Variants in AAMDC observed in about 807,000 individuals in gnomAD.
The protein encoded by AAMDC is mth938 domain-containing protein.
Under a neutral mutation model 15.5 loss-of-function variants are expected in AAMDC, and 16 were observed. The observed-to-expected ratio is 1.03, with a 90% CI of 0.70 to 1.57. AAMDC has a LOEUF of 1.57. Among genes scored for constraint, AAMDC ranks in the 40% most tolerant of loss-of-function variants. The probability of loss-of-function intolerance (pLI) is 0.00; values close to 1 mark genes in which losing one functional copy is unlikely to be tolerated. For missense variants in AAMDC, 141 were observed against 144.9 expected (o/e 0.97, Z 0.14); for synonymous variants, 51 against 51.6 (o/e 0.99, Z 0.05).
At chr11:77,891,106 G>T (rs1367744786) in intron 5 of AAMDC, among the ~76,000 whole-genome samples, 1 of 152,138 alleles carries the variant, frequency 6.6e-6, no homozygotes, top group Non-Finnish European at 1.5e-5. Flanking sequence ...CTATTTGTCA[G>T]TTGTAGAATC....
downstream of AAMDC, among the ~76,000 whole-genome samples, chr11:77,876,015 G>C (rs1002410677): frequency 6.6e-6 from 1 of 152,188 alleles, no homozygotes; most frequent in Non-Finnish European, 1.5e-5. Flanking sequence ...GAAAGGGACT[G>C]AGCAGGGGAA....
intron 1 of AAMDC, among the ~76,000 whole-genome samples, chr11:77,834,001 G>T (rs1949567194): frequency 6.6e-6 from 1 of 152,164 alleles, no homozygotes; most frequent in Admixed American, 6.6e-5. Context: ...TGTAGATGAA[G>T]AAAACTGCTT....
chr11:77,829,915 T>A (rs1171588209), intron 1 of AAMDC: 1 of 152,194 alleles, frequency 6.6e-6, no homozygotes, highest in East Asian at 1.9e-4. Context: ...GAGGATCACT[T>A]GAGGCCAGGA....
downstream of AAMDC, among the ~76,000 whole-genome samples, chr11:77,872,614 A>T (rs954184397): frequency 1.3e-5 from 2 of 152,124 alleles, no homozygotes; most frequent in African/African-American, 4.8e-5. Flanking sequence ...CTACTAACCA[A>T]CCCTGAGACT....
intron 5 of AAMDC, among the ~76,000 whole-genome samples, chr11:77,892,818 C>T (rs1335066439): frequency 2.0e-5 from 3 of 152,064 alleles, no homozygotes; most frequent in African/African-American, 4.8e-5. Flanking sequence ...CTCCTGACCT[C>T]GTGATCCACC....
intron 2 of AAMDC, among the ~76,000 whole-genome samples, chr11:77,844,926 T>C (rs923113393): frequency 2.0e-5 from 3 of 152,218 alleles, no homozygotes; most frequent in Non-Finnish European, 4.4e-5. Context: ...ACTTTCAATA[T>C]GCCATCCCAC....
rs763921320 is a variant in AAMDC at position 77,825,283 on chromosome 11, C to CT, written c.-19+4051dup. 5.0e-3 allele frequency among the ~76,000 whole-genome samples: 753 copies of CT among 150,142 alleles called. 5 individuals carry two copies. Among genetic ancestry groups the CT allele is most frequent in the African/African-American group, 0.017 (693 of 40,922 alleles). ...AGGCATGAGCCACCAGGCCTGGCTG[C>CT]TTTTTTTTTAATGGATATTATAAGC... On this transcript the variant is annotated intron_variant, in intron 1 of 3. Coordinates refer to ENST00000393427, the MANE Select transcript of AAMDC (RefSeq NM_024684.4).
At chr11:77,876,449 A>G (rs184218634), downstream of AAMDC, among the ~76,000 whole-genome samples, 145 of 151,906 alleles carry the variant, frequency 9.5e-4, no homozygotes, top group South Asian at 2.5e-3. Flanking sequence ...TCAGATAGAG[A>G]AAAACTAAAA....
At chr11:77,905,598 A>C (rs1172518645), downstream of AAMDC, among the ~76,000 whole-genome samples, 1 of 152,210 alleles carries the variant, frequency 6.6e-6, no homozygotes, top group Admixed American at 6.5e-5. Context: ...AAAATGTTGA[A>C]ACTTCCTCGA....
chr11:77,892,146 A>G (rs1292612568), intron 5 of AAMDC, among the ~76,000 whole-genome samples: 1 of 152,232 alleles, frequency 6.6e-6, no homozygotes, highest in Non-Finnish European at 1.5e-5. Context: ...TAGATTCATT[A>G]ATTATTTTAA....
At chr11:77,892,670 C>A (rs1952326312) in intron 5 of AAMDC, among the ~76,000 whole-genome samples, 1 of 152,084 alleles carries the variant, frequency 6.6e-6, no homozygotes, top group African/African-American at 2.4e-5. Flanking sequence ...GGAACCTCCG[C>A]CTCCCGGGTT....
intron 2 of AAMDC, among the ~76,000 whole-genome samples, chr11:77,854,807 G>A (rs930521087): frequency 7.2e-5 from 11 of 152,216 alleles, no homozygotes; most frequent in African/African-American, 1.9e-4. Flanking sequence ...GGGACTCTGT[G>A]TAGGGGCTCC....
chr11:77,887,372 A>AC (rs750194970), intron 5 of AAMDC, among the ~76,000 whole-genome samples: 1 of 152,050 alleles, frequency 6.6e-6, no homozygotes, highest in Non-Finnish European at 1.5e-5. Flanking sequence ...AAATTCAACA[A>AC]CCTTCATGCT....
At chr11:77,833,065 G>C (rs561055408) in intron 1 of AAMDC, among the ~76,000 whole-genome samples, 1 of 137,630 alleles carries the variant, frequency 7.3e-6, no homozygotes, top group Non-Finnish European at 1.5e-5. Context: ...AGGCTGGAGT[G>C]CAATGGCAGA....
chr11:77,846,934 A>G (rs1270647735), intron 2 of AAMDC, among the ~76,000 whole-genome samples: 2 of 152,234 alleles, frequency 1.3e-5, no homozygotes, highest in Non-Finnish European at 2.9e-5. Context: ...TCTTTTCTGT[A>G]TCCTGTGTTA....
At chr11:77,848,910 C>G (rs1329646692) in intron 2 of AAMDC, among the ~76,000 whole-genome samples, 1 of 152,146 alleles carries the variant, frequency 6.6e-6, no homozygotes, top group Non-Finnish European at 1.5e-5. Context: ...CTGCTCTTAT[C>G]ATCCCAACTA....
At chr11:77,849,382 C>T (rs1048502521) in intron 2 of AAMDC, among the ~76,000 whole-genome samples, 10 of 151,890 alleles carry the variant, frequency 6.6e-5, no homozygotes, top group South Asian at 2.1e-4. Context: ...TGACCACGCC[C>T]GGCTAATTTC....
At chr11:77,903,929 C>T (rs145331301), downstream of AAMDC, among the ~76,000 whole-genome samples, 11 of 152,302 alleles carry the variant, frequency 7.2e-5, no homozygotes, top group East Asian at 1.7e-3. Flanking sequence ...AGCCAGCTTC[C>T]GGGCTCTAGG....
chr11:77,886,987 G>A (rs1407314839), intron 5 of AAMDC, among the ~76,000 whole-genome samples: 1 of 151,678 alleles, frequency 6.6e-6, no homozygotes, highest in African/African-American at 2.4e-5. Context: ...ATGCCCACAA[G>A]AGAAAGCAGG....
Sources: allele counts gnomAD v4.1 joint callset (sites outside exome capture counted in the v4.1 genomes callset), GRCh38; gene constraint gnomAD v4.1.1; transcripts MANE v1.5; gene names NCBI Gene and HGNC (gene_info 2026-07-23, HGNC 2026-07-21).